The following ASIC2 variants were observed in gnomAD, a reference collection of about 807,000 sequenced individuals.
ASIC2 encodes acid-sensing ion channel 2.
A neutral mutation model predicts 57.3 loss-of-function variants in ASIC2; 25 were observed. That is an observed-to-expected ratio of 0.44 (90% CI 0.32 to 0.61). The LOEUF (loss-of-function observed/expected upper bound fraction) is 0.61, where lower values mean the gene tolerates loss of function less well. Among genes scored for constraint, ASIC2 ranks in the 20% least tolerant of loss-of-function variants. The pLI, the probability that ASIC2 is intolerant of heterozygous loss-of-function variation, is 0.06. For synonymous variants in ASIC2, 319 were observed against 307.5 expected (o/e 1.04, Z -0.39); for missense variants, 641 against 738.1 (o/e 0.87, Z 1.52).
chr17:33,894,991 G>T (rs937724851), intron 1 of ASIC2, among the ~76,000 whole-genome samples: 13 of 152,146 alleles, frequency 8.5e-5, no homozygotes, highest in African/African-American at 2.9e-4. Flanking sequence ...TGCAATTAGA[G>T]CCCATATTGG....
At chr17:33,563,718 T>G (rs1916145974) in intron 1 of ASIC2, among the ~76,000 whole-genome samples, 1 of 152,130 alleles carries the variant, frequency 6.6e-6, no homozygotes, top group African/African-American at 2.4e-5. Flanking sequence ...GGAAATGATC[T>G]CAGAGACCAT....
chr17:33,377,613 A>G (rs547544134), intron 1 of ASIC2, among the ~76,000 whole-genome samples: 2 of 152,356 alleles, frequency 1.3e-5, no homozygotes, highest in East Asian at 1.9e-4. Flanking sequence ...ATCTTCTGCA[A>G]CTTGTCCATT....
chr17:33,383,323 T>C (rs1909558159), intron 1 of ASIC2, among the ~76,000 whole-genome samples: 1 of 152,192 alleles, frequency 6.6e-6, no homozygotes, highest in Admixed American at 6.5e-5. Flanking sequence ...TGTCTATATC[T>C]TGGAGGGAAA....
At chr17:34,120,872 G>A (rs1911597704) in intron 1 of ASIC2, among the ~76,000 whole-genome samples, 2 of 150,996 alleles carry the variant, frequency 1.3e-5, no homozygotes. Context: ...CCAAGTAGCT[G>A]AGATTATAGG....
At chr17:33,132,369 C>T (rs184699407) in intron 1 of ASIC2, among the ~76,000 whole-genome samples, 74 of 152,224 alleles carry the variant, frequency 4.9e-4, no homozygotes, top group Admixed American at 4.6e-4. Flanking sequence ...GAAATAAAAC[C>T]GGTTAAGTGT....
rs142032649 is a variant in ASIC2 at position 33,814,229 on chromosome 17, C to T, written c.555+341749G>A. On this transcript the variant is annotated intron_variant, in intron 1 of 9. Coordinates refer to the ASIC2 transcript ENST00000359872. ...AGTGTAAGCCTAAATTCCTGCAGCC[C>T]TATCACATATCAAGCTTCCTCCATG... 1.1e-4 allele frequency among the ~76,000 whole-genome samples: 16 copies of T among 152,284 alleles called. No individual in the cohort carries two copies. The East Asian group carries it at 2.9e-3, about 28-fold the overall frequency.
intron 1 of ASIC2, among the ~76,000 whole-genome samples, chr17:33,648,640 A>G (rs1479422768): frequency 3.3e-5 from 5 of 152,212 alleles, no homozygotes; most frequent in Non-Finnish European, 5.9e-5. Context: ...TATTTGTGTC[A>G]AATACAATGG....
At chr17:33,467,178 C>T (rs1406372393) in intron 1 of ASIC2, among the ~76,000 whole-genome samples, 1 of 152,116 alleles carries the variant, frequency 6.6e-6, no homozygotes, top group African/African-American at 2.4e-5. Flanking sequence ...TGAGCTCAAG[C>T]GATTTGCCTG....
intron 1 of ASIC2, chr17:33,291,085 G>A (rs1905414879): frequency 5.6e-6 from 2 of 356,230 alleles, no homozygotes; most frequent in Admixed American, 4.5e-5. Context: ...CTGGAGTTGA[G>A]GTCGGGAAGA....
chr17:33,638,507 G>A (rs1222313074), intron 1 of ASIC2, among the ~76,000 whole-genome samples: 2 of 152,146 alleles, frequency 1.3e-5, no homozygotes, highest in South Asian at 4.1e-4. Context: ...AGGATGTAAC[G>A]CGGAGTAGAA....
intron 1 of ASIC2, among the ~76,000 whole-genome samples, chr17:33,519,067 G>T (rs562051723): frequency 2.0e-5 from 3 of 152,022 alleles, no homozygotes; most frequent in Non-Finnish European, 4.4e-5. Flanking sequence ...TGATCCGCCC[G>T]CCTCGGCCTC....
At chr17:33,846,130 A>G (rs529504986) in intron 1 of ASIC2, among the ~76,000 whole-genome samples, 67 of 152,310 alleles carry the variant, frequency 4.4e-4, no homozygotes, top group African/African-American at 1.6e-3. Context: ...TAGAAAGAGC[A>G]TTTAAATGCT....
intron 1 of ASIC2, among the ~76,000 whole-genome samples, chr17:33,584,766 G>T (rs1904560967): frequency 1.3e-5 from 2 of 152,110 alleles, no homozygotes; most frequent in South Asian, 4.1e-4. Flanking sequence ...TAGGCTGCTT[G>T]TGGAGACAGT....
chr17:33,269,164 C>A (rs547263892), intron 1 of ASIC2, among the ~76,000 whole-genome samples: 1 of 152,128 alleles, frequency 6.6e-6, no homozygotes, highest in African/African-American at 2.4e-5. Context: ...CAGATTCAGA[C>A]CAGTTTTTGT....
chr17:33,108,001 C>A lies in ASIC2; in HGVS notation c.859+3916G>T, dbSNP rs796213486. 3.7e-4 allele frequency among the ~76,000 whole-genome samples: 57 copies of A among 152,228 alleles called. 1 individual carries two copies. Among genetic ancestry groups the A allele is most frequent in the African/African-American group, 1.2e-3 (51 of 41,552 alleles). On this transcript the variant is annotated intron_variant, in intron 2 of 9. Coordinates refer to ENST00000225823, the MANE Select transcript of ASIC2 (RefSeq NM_183377.2). ...CTGCTTCTGGAGTGTTTTTTTTGAC[C>A]ATCTTCCCACCTGCTGGTGGGCATG...
At chr17:34,095,861 T>C (rs554026194) in intron 1 of ASIC2, among the ~76,000 whole-genome samples, 21 of 151,442 alleles carry the variant, frequency 1.4e-4, no homozygotes, top group Non-Finnish European at 2.4e-4. Flanking sequence ...ACTGATATTT[T>C]ATAAACACCT....
At chr17:33,425,026 T>C (rs1421503501) in intron 1 of ASIC2, among the ~76,000 whole-genome samples, 4 of 152,204 alleles carry the variant, frequency 2.6e-5, no homozygotes, top group Non-Finnish European at 5.9e-5. Flanking sequence ...TATTAAATAA[T>C]TTACACACAT....
chr17:34,067,713 T>C (rs1174164685), intron 1 of ASIC2, among the ~76,000 whole-genome samples: 1 of 152,238 alleles, frequency 6.6e-6, no homozygotes, highest in Non-Finnish European at 1.5e-5. Context: ...TAGAATATGC[T>C]ACTGTTGTGA....
intron 1 of ASIC2, among the ~76,000 whole-genome samples, chr17:33,514,608 A>C (rs959286953): frequency 1.3e-5 from 2 of 152,188 alleles, no homozygotes; most frequent in African/African-American, 4.8e-5. Context: ...TGATCTTTCC[A>C]GGGCATTTCC....
Sources: gnomAD v4.1 joint callset for allele counts (sites outside exome capture counted in the v4.1 genomes callset) on GRCh38, gnomAD v4.1.1 for gene constraint, MANE v1.5 for transcripts, NCBI Gene and HGNC (gene_info 2026-07-23, HGNC 2026-07-21) for gene names.